The following ECD variants were observed in gnomAD, a reference collection of about 807,000 sequenced individuals.
ECD encodes the protein protein ecdysoneless homolog.
ECD carries 59 observed loss-of-function variants against 77.2 expected under a neutral mutation model. The observed-to-expected ratio is 0.76, with a 90% CI of 0.62 to 0.95. The LOEUF (loss-of-function observed/expected upper bound fraction) is 0.95, where lower values mean the gene tolerates loss of function less well. Among genes scored for constraint, ECD ranks in the 40% least tolerant of loss-of-function variants. The pLI, the probability that ECD is intolerant of heterozygous loss-of-function variation, is 0.00. For synonymous variants in ECD, 233 were observed against 267.4 expected (o/e 0.87, Z 1.26); for missense variants, 704 against 763.4 (o/e 0.92, Z 0.92).
In ECD at chr10:73,134,747, T is replaced by A. The variant is rs1167873331; in HGVS notation, c.1771A>T (p.Met591Leu). The change falls in exon 14 of 14, where the codon ATG (methionine) becomes TTG (leucine). Residue 591 changes from methionine to leucine, a missense_variant. Met to Leu is a conservative substitution (Grantham distance 15). Around this residue, in one of 3 missense-constraint regions of ECD, gnomAD observed 142 missense variants for 163.6 expected, o/e 0.87. Coordinates refer to ENST00000372979, the MANE Select transcript of ECD (RefSeq NM_007265.3). The stretch of plus-strand genomic sequence containing the variant: ...TTCAGGTCTACATCTACTGGTGCCA[T>A]AACAGATTCTCCCGTACCAGAATCT... ...EEDSGTGESV[M>L]APVDVDLNLV... is the part of the protein sequence containing the mutation. 2 of 1,614,162 alleles carry A rather than the reference T, an allele frequency of 1.2e-6. No individual in the cohort carries two copies. Among genetic ancestry groups the A allele is most frequent in the Non-Finnish European group, 1.7e-6 (2 of 1,180,026 alleles).
At chr10:73,161,511 A>G (rs1385384897) in intron 2 of ECD, among the ~76,000 whole-genome samples, 1 of 152,206 alleles carries the variant, frequency 6.6e-6, no homozygotes, top group African/African-American at 2.4e-5. Flanking sequence ...CATGAGAAAT[A>G]CAAAAATCTG....
Position 73,167,985 on chromosome 10 carries a change from G to T in ECD, c.-133C>A. On this transcript the variant is annotated 5_prime_UTR_variant, in exon 1 of 14. Transcript: ENST00000372979. ...CGAAGCCTGGATCAGGCTCTGTCCC[G>T]ACGCCTGACCGGAACCTGAAGCCAG... The T allele has an allele frequency of 1.0e-5, 3 of 293,136 alleles. No homozygotes were observed. The highest frequency in any genetic ancestry group is 1.9e-5 in the Non-Finnish European group (3 of 156,536). 18.2% of individuals were successfully genotyped at this position (293,136 alleles called of 1,614,324 possible).
At chr10:73,146,817 T>C (rs1843136073) in intron 8 of ECD, among the ~76,000 whole-genome samples, 2 of 151,464 alleles carry the variant, frequency 1.3e-5, no homozygotes, top group African/African-American at 4.9e-5. Flanking sequence ...TAACTAGTAA[T>C]TCACAAAACA....
intron 6 of ECD, among the ~76,000 whole-genome samples, chr10:73,152,975 G>A (rs945106834): frequency 1.3e-5 from 2 of 151,450 alleles, no homozygotes; most frequent in Admixed American, 6.6e-5. Context: ...CTTATCATTA[G>A]TTACATTATA....
intron 3 of ECD, among the ~76,000 whole-genome samples, chr10:73,159,476 T>C (rs1206497165): frequency 1.3e-5 from 2 of 152,222 alleles, no homozygotes; most frequent in Non-Finnish European, 2.9e-5. Context: ...AGGAATTTAA[T>C]GGTGATTACT....
chr10:73,139,874 T>G, intron 9 of ECD, 137 bp from the exon 10 acceptor site: 1 of 591,122 alleles, frequency 1.7e-6, no homozygotes, highest in East Asian at 3.2e-5. Context: ...TTTTAAGAGA[T>G]GGGGTTTCAT....
intron 2 of ECD, among the ~76,000 whole-genome samples, chr10:73,163,158 A>G (rs942638899): frequency 7.2e-5 from 11 of 152,194 alleles, no homozygotes; most frequent in African/African-American, 2.7e-4. Context: ...GGTTTTTCTC[A>G]TAACAGGACA....
At position 73,143,144 on chromosome 10, in the gene ECD, AATGAATAT is replaced by A. The variant is rs575773880; in HGVS notation, c.1127+3124_1127+3131del. Among the ~76,000 whole-genome samples, 16 of 152,320 alleles carry A rather than the reference AATGAATAT, an allele frequency of 1.1e-4. No individual in the cohort carries two copies. In the South Asian group the frequency reaches 2.3e-3, roughly 22 times the overall value. On this transcript the variant is annotated intron_variant, in intron 9 of 13. Transcript: ENST00000372979. ...GCATTCAATAAATATTTGTTGAATA[AATGAATAT>A]ATATGTATCTATAAATAATGTATTG...
rs1220150606 is a variant in ECD at position 73,156,371 on chromosome 10, G to C, written c.494C>G (p.Pro165Arg). 6.2e-7 allele frequency: 1 copy of C among 1,613,736 alleles called. No homozygotes were observed. ...TATATTCAATGCTTGTGGAATTGTTGGGGGTGTGGTGGGTAACCAAGATTC... is the reference window on the plus strand; with the variant it reads ...TATATTCAATGCTTGTGGAATTGTTCGGGGTGTGGTGGGTAACCAAGATTC... ...GAESWLPTTP[P>R]TIPQALNIIT... Residue 165 changes from proline to arginine, a missense_variant, in exon 5 of 14, where the codon CCA becomes CGA. Physicochemically the swap from Pro to Arg is moderately radical, Grantham distance 103. Around this residue, in one of 3 missense-constraint regions of ECD, gnomAD observed 559 missense variants for 583.7 expected, o/e 0.96. Coordinates refer to ENST00000372979, the MANE Select transcript of ECD (RefSeq NM_007265.3).
At chr10:73,140,770 T>C (rs1041379776) in intron 9 of ECD, among the ~76,000 whole-genome samples, 5 of 151,902 alleles carry the variant, frequency 3.3e-5, no homozygotes, top group Non-Finnish European at 5.9e-5. Flanking sequence ...GCAGGCTCCA[T>C]GGAACATCAT....
chr10:73,149,518 T>C (rs1312027045), intron 7 of ECD, among the ~76,000 whole-genome samples: 3 of 152,330 alleles, frequency 2.0e-5, no homozygotes, highest in Non-Finnish European at 4.4e-5. Context: ...CTGTACTCTA[T>C]AGTATACTGT....
In ECD at chr10:73,163,765, TG is replaced by T; in HGVS notation, c.172del (p.Gln58SerfsTer21). On this transcript the variant is annotated frameshift_variant, in exon 2 of 14. Transcript: ENST00000372979. LOFTEE classifies it high-confidence loss of function. Reference protein sequence around the residue: ...PMLVPYIWQNQPFNLKYKPGK... With the variant: ...PMLVPYIWQNXPFNLKYKPGK... ...AGGTTTATATTTAAGATTGAAAGGC[TG>T]ATTCTGCCAGATGTAGGGGACCAGC... 1 of 1,614,172 alleles carries T rather than the reference TG, an allele frequency of 6.2e-7. No individual in the cohort carries two copies. The highest frequency in any genetic ancestry group is 8.5e-7 in the Non-Finnish European group (1 of 1,180,026).
intron 9 of ECD, among the ~76,000 whole-genome samples, chr10:73,144,640 T>C (rs773192101): frequency 9.9e-5 from 15 of 152,032 alleles, no homozygotes; most frequent in Non-Finnish European, 1.8e-4. Flanking sequence ...GCCTATGGAG[T>C]AGCCATTCTT....
chr10:73,138,699 T>C (rs1458860229), intron 11 of ECD, among the ~76,000 whole-genome samples: 1 of 152,132 alleles, frequency 6.6e-6, no homozygotes, highest in Non-Finnish European at 1.5e-5. Flanking sequence ...TTCAAGTAGC[T>C]GGGATTATAG....
rs558145420 is a variant in ECD at position 73,163,625 on chromosome 10, T to C, written c.205+108A>G. On this transcript the variant is annotated intron_variant, in intron 2 of 13. Coordinates refer to ENST00000372979, the MANE Select transcript of ECD (RefSeq NM_007265.3). ...TATTACTCATCTAAAAAGTTTAGTG[T>C]ATTAATCTCTTCCTGGCAACACTGA... 4.9e-4 allele frequency: 525 copies of C among 1,073,878 alleles called. 1 individual carries two copies. Among genetic ancestry groups the C allele is most frequent in the Non-Finnish European group, 6.8e-4 (506 of 747,578 alleles). The allele number at this position is 1,073,878 out of a possible 1,614,324, so 66.5% of individuals were successfully genotyped here. A position where few individuals can be genotyped will look rare whatever the true frequency, so the allele number is the denominator to read the frequency against.
chr10:73,148,068 C>A (rs1843151426), intron 8 of ECD, among the ~76,000 whole-genome samples: 1 of 151,900 alleles, frequency 6.6e-6, no homozygotes, highest in Non-Finnish European at 1.5e-5. Flanking sequence ...CATTTAATAC[C>A]AACAGTGTTA....
intron 8 of ECD, 80 bp downstream of exon 8, chr10:73,148,196 T>C: frequency 2.0e-6 from 3 of 1,516,556 alleles, no homozygotes; most frequent in Non-Finnish European, 2.7e-6. Flanking sequence ...TACATTTAAA[T>C]ATGGACTATA....
intron 9 of ECD, among the ~76,000 whole-genome samples, chr10:73,145,907 T>C (rs1382240237): frequency 6.6e-6 from 1 of 152,022 alleles, no homozygotes; most frequent in African/African-American, 2.4e-5. Flanking sequence ...CCTCCCAAAG[T>C]GCTGGGATTA....
intron 7 of ECD, among the ~76,000 whole-genome samples, chr10:73,151,911 T>A (rs908552090): frequency 1.3e-5 from 2 of 152,332 alleles, no homozygotes; most frequent in Non-Finnish European, 1.5e-5. Context: ...AATTTTTGCA[T>A]AATCAAATTC....
Sources: allele counts gnomAD v4.1 joint callset (sites outside exome capture counted in the v4.1 genomes callset), GRCh38; gene constraint gnomAD v4.1.1; regional missense constraint gnomAD v4.1.1; transcripts MANE v1.5; gene names NCBI Gene and HGNC (gene_info 2026-07-23, HGNC 2026-07-21).